The following KLHL7 variants were observed in gnomAD, a reference collection of about 807,000 sequenced individuals.
KLHL7 encodes the protein kelch like family member 7.
KLHL7 carries 44 observed loss-of-function variants against 67.4 expected under a neutral mutation model. The observed-to-expected ratio is 0.65, with a 90% CI of 0.51 to 0.84. The LOEUF (loss-of-function observed/expected upper bound fraction) is 0.84. Among genes scored for constraint, KLHL7 ranks in the 40% least tolerant of loss-of-function variants. The pLI is 0.00. For synonymous variants in KLHL7, 252 were observed against 243.3 expected (o/e 1.04, Z -0.33); for missense variants, 362 against 718.1 (o/e 0.50, Z 5.67).
intron 6 of KLHL7, among the ~76,000 whole-genome samples, chr7:23,146,671 T>C (rs1052082640): frequency 3.9e-5 from 6 of 151,900 alleles, no homozygotes; most frequent in African/African-American, 1.5e-4. Flanking sequence ...TTCTTCTTTT[T>C]TTTTTAATTT....
chr7:23,140,925 CTG>C lies in KLHL7; in HGVS notation c.602_603del (p.Val201GlufsTer8). 6.2e-7 allele frequency: 1 copy of C among 1,613,850 alleles called. No individual in the cohort carries two copies. The highest frequency in any genetic ancestry group is 1.1e-5 in the South Asian group (1 of 91,084). Reference sequence around the variant, plus strand: ...CATCTTCTCAACCAGGACACTCTGACTGTGAGAGCAGAGGATCAGGTGACTAA... The same window carrying C: ...CATCTTCTCAACCAGGACACTCTGACTGAGAGCAGAGGATCAGGTGACTAA... On this transcript the variant is annotated frameshift_variant, in exon 5 of 11. Transcript: ENST00000339077. LOFTEE classifies it high-confidence loss of function.
chr7:23,112,747 G>A (rs1475184402), intron 1 of KLHL7, among the ~76,000 whole-genome samples: 2 of 152,160 alleles, frequency 1.3e-5, no homozygotes, highest in African/African-American at 4.8e-5. Context: ...TATTTTGATG[G>A]GCAGACAAAT....
intron 9 of KLHL7, 183 bp from the exon 10 acceptor site, chr7:23,172,765 A>G: frequency 5.4e-6 from 3 of 550,730 alleles, no homozygotes; most frequent in South Asian, 2.3e-5. Context: ...TTCCCCGTGT[A>G]TTAATAAATT....
At chr7:23,155,808 A>T (rs993659719) in intron 7 of KLHL7, among the ~76,000 whole-genome samples, 2 of 152,204 alleles carry the variant, frequency 1.3e-5, no homozygotes, top group African/African-American at 4.8e-5. Flanking sequence ...GTTGGTGGAA[A>T]ATATTTTATT....
chr7:23,138,746 C>T (rs1273085577), intron 4 of KLHL7, among the ~76,000 whole-genome samples: 1 of 151,846 alleles, frequency 6.6e-6, no homozygotes, highest in East Asian at 1.9e-4. Context: ...CCGTGTTGGC[C>T]AGGCTGGTCT....
chr7:23,136,986 A>T (rs1784000886), intron 4 of KLHL7, among the ~76,000 whole-genome samples: 3 of 152,176 alleles, frequency 2.0e-5, no homozygotes, highest in Admixed American at 2.0e-4. Flanking sequence ...AAAAAATATG[A>T]TTTAAAATAT....
chr7:23,176,135 A>C lies in KLHL7; in HGVS notation c.*1837A>C, dbSNP rs1358699699. On this transcript the variant is annotated 3_prime_UTR_variant, in exon 11 of 11. Transcript: ENST00000339077. ...TGTATTTCCTAGGGCTACCATAACA[A>C]ACTACTGCAAACTTGGTGGCTTTAA... 1.3e-5 allele frequency: 2 copies of C among 152,068 alleles called. No homozygotes were observed. The highest frequency in any genetic ancestry group is 6.6e-5 in the Admixed American group (1 of 15,256). 9.4% of individuals were successfully genotyped at this position (152,068 alleles called of 1,614,324 possible). A position where few individuals can be genotyped will look rare whatever the true frequency, so the allele number is the denominator to read the frequency against.
At chr7:23,155,528 G>A (rs1006852541) in intron 7 of KLHL7, among the ~76,000 whole-genome samples, 3 of 151,874 alleles carry the variant, frequency 2.0e-5, no homozygotes, top group Non-Finnish European at 2.9e-5. Context: ...GCCAGGCGTC[G>A]TGGCAGGCGC....
At chr7:23,164,030 G>T (rs1214497372) in intron 7 of KLHL7, among the ~76,000 whole-genome samples, 1 of 151,974 alleles carries the variant, frequency 6.6e-6, no homozygotes, top group Non-Finnish European at 1.5e-5. Context: ...TTTCCCTATT[G>T]CAGGGAGCAA....
At chr7:23,117,307 T>C (rs1189027509) in intron 1 of KLHL7, among the ~76,000 whole-genome samples, 1 of 151,994 alleles carries the variant, frequency 6.6e-6, no homozygotes, top group East Asian at 1.9e-4. Context: ...AGGCTGGTCT[T>C]GAACTCCTGA....
At chr7:23,123,675 T>C (rs989428371) in intron 1 of KLHL7, 102 bp from the exon 2 acceptor site, 20 of 762,924 alleles carry the variant, frequency 2.6e-5, no homozygotes, top group African/African-American at 2.5e-4. Flanking sequence ...TGGCTTTAAA[T>C]AGAAAATAGA....
chr7:23,112,777 G>C (rs1009217103), intron 1 of KLHL7, among the ~76,000 whole-genome samples: 4 of 152,204 alleles, frequency 2.6e-5, no homozygotes, highest in Non-Finnish European at 2.9e-5. Context: ...ATTAATGTAA[G>C]CTGAAGTGAG....
At chr7:23,145,376 C>T in intron 6 of KLHL7, among the ~76,000 whole-genome samples, 1 of 152,048 alleles carries the variant, frequency 6.6e-6, no homozygotes, top group East Asian at 1.9e-4. Flanking sequence ...AATATCTTAT[C>T]ACTCTAAAGT....
intron 1 of KLHL7, among the ~76,000 whole-genome samples, chr7:23,120,947 T>G (rs1783309624): frequency 6.6e-6 from 1 of 152,210 alleles, no homozygotes; most frequent in Admixed American, 6.5e-5. Context: ...TAATTTTATG[T>G]CCTTTAACAA....
At chr7:23,115,171 A>C (rs967254404) in intron 1 of KLHL7, among the ~76,000 whole-genome samples, 1 of 152,194 alleles carries the variant, frequency 6.6e-6, no homozygotes, top group Non-Finnish European at 1.5e-5. Flanking sequence ...TCCAATTTCA[A>C]GGTAGTTGAT....
chr7:23,174,899 C>T lies in KLHL7; in HGVS notation c.*601C>T, dbSNP rs1349817833. The T allele has an allele frequency of 2.2e-6, 1 of 454,474 alleles. No individual in the cohort carries two copies. The highest frequency in any genetic ancestry group is 4.4e-6 in the Non-Finnish European group (1 of 226,776). 28.2% of individuals were successfully genotyped at this position (454,474 alleles called of 1,614,324 possible). On this transcript the variant is annotated 3_prime_UTR_variant, in exon 11 of 11. Coordinates refer to ENST00000339077, the MANE Select transcript of KLHL7 (RefSeq NM_001031710.3). ...TTTGGGGGTTTAATATGTCCAACTCCTCATGAAATATATTCAATCCACTTA... is the reference window on the plus strand; with the variant it reads ...TTTGGGGGTTTAATATGTCCAACTCTTCATGAAATATATTCAATCCACTTA...
In KLHL7 at chr7:23,165,997, C is replaced by T; in HGVS notation, c.1177+59C>T. ...TATGCTTTAAAGCCAAGTATCTTGG[C>T]TTTCATATTTAAATAAACAGCTGGT... On this transcript the variant is annotated intron_variant, in intron 8 of 10. Coordinates refer to ENST00000339077, the MANE Select transcript of KLHL7 (RefSeq NM_001031710.3). 3.2e-6 allele frequency: 5 copies of T among 1,577,644 alleles called. No individual in the cohort carries two copies. In the East Asian group the frequency reaches 1.1e-4, roughly 35 times the overall value.
At chr7:23,138,461 TAAAAAAAA>T (rs60497553) in intron 4 of KLHL7, among the ~76,000 whole-genome samples, 2 of 63,236 alleles carry the variant, frequency 3.2e-5, no homozygotes, top group Admixed American at 2.0e-4. Flanking sequence ...GACTCCATCT[TAAAAAAAA>T]AAAAAAAAAA....
chr7:23,148,218 C>T (rs1301535815), intron 6 of KLHL7, among the ~76,000 whole-genome samples: 2 of 151,864 alleles, frequency 1.3e-5, no homozygotes, highest in Admixed American at 6.6e-5. Context: ...ACATGGATAT[C>T]TAATAATGAA....
Sources: allele counts gnomAD v4.1 joint callset (sites outside exome capture counted in the v4.1 genomes callset), GRCh38; gene constraint gnomAD v4.1.1; transcripts MANE v1.5; gene names NCBI Gene and HGNC (gene_info 2026-07-23, HGNC 2026-07-21).